Variants in KCNB2 observed in about 807,000 individuals in gnomAD.
The protein encoded by KCNB2 is potassium voltage-gated channel subfamily B member 2, also known as delayed rectifier potassium channel protein.
A neutral mutation model predicts 61.5 loss-of-function variants in KCNB2; 15 were observed. The ratio of observed to expected loss-of-function variants is 0.24; its 90% confidence interval spans 0.16 to 0.38. KCNB2 has a LOEUF of 0.38. Ranked by LOEUF, KCNB2 falls within the 10% of genes least tolerant of loss-of-function variation. The pLI is 1.00. For missense variants in KCNB2, 828 were observed against 1,125.2 expected, an observed-to-expected ratio of 0.74 and a Z score of 3.78; for synonymous variants, 457 against 446.0, an observed-to-expected ratio of 1.02 and a Z score of -0.31.
At chr8:72,712,047 A>G (rs1456064439) in intron 2 of KCNB2, among the ~76,000 whole-genome samples, 4 of 152,218 alleles carry the variant, frequency 2.6e-5, no homozygotes, top group Non-Finnish European at 5.9e-5. Flanking sequence ...TACTTATTTA[A>G]TATGTTACTT....
intron 2 of KCNB2, among the ~76,000 whole-genome samples, chr8:72,640,062 T>C (rs1025615060): frequency 6.6e-6 from 1 of 151,990 alleles, no homozygotes; most frequent in Non-Finnish European, 1.5e-5. Flanking sequence ...TCTAGCATTA[T>C]AGCCCAAGAT....
intron 2 of KCNB2, chr8:72,618,945 G>A: frequency 5.8e-6 from 2 of 343,160 alleles, no homozygotes; most frequent in Non-Finnish European, 5.7e-6. Context: ...CATGCCTCTG[G>A]CTGAAAGTGA....
chr8:72,646,877 C>T (rs1353543038), intron 2 of KCNB2, among the ~76,000 whole-genome samples: 2 of 152,078 alleles, frequency 1.3e-5, no homozygotes, highest in African/African-American at 4.8e-5. Context: ...AATGAGAATA[C>T]GTGTTTATGA....
chr8:72,918,988 A>G (rs184280015), intron 2 of KCNB2, among the ~76,000 whole-genome samples: 248 of 152,358 alleles, frequency 1.6e-3, no homozygotes, highest in Non-Finnish European at 2.8e-3. Context: ...CAAATAAAAT[A>G]CCATCTATCT....
intron 2 of KCNB2, among the ~76,000 whole-genome samples, chr8:72,646,698 C>T (rs953679179): frequency 2.0e-5 from 3 of 152,066 alleles, no homozygotes; most frequent in Non-Finnish European, 4.4e-5. Flanking sequence ...AGAGGCAGAA[C>T]ATAGAATGGC....
At chr8:72,857,662 A>G (rs1373697507) in intron 2 of KCNB2, among the ~76,000 whole-genome samples, 2 of 152,122 alleles carry the variant, frequency 1.3e-5, no homozygotes, top group Non-Finnish European at 1.5e-5. Flanking sequence ...AAGAGTGGAG[A>G]AGAAGAATGA....
intron 2 of KCNB2, among the ~76,000 whole-genome samples, chr8:72,827,693 ATTG>A (rs1465847315): frequency 6.6e-6 from 1 of 152,182 alleles, no homozygotes; most frequent in African/African-American, 2.4e-5. Context: ...TTTAATGAAT[ATTG>A]TTCTTTCTAC....
chr8:72,839,401 T>G (rs1809838374), intron 2 of KCNB2, among the ~76,000 whole-genome samples: 2 of 152,192 alleles, frequency 1.3e-5, no homozygotes, highest in Non-Finnish European at 2.9e-5. Flanking sequence ...TGTAATGTGT[T>G]AGGCATAGCA....
intron 2 of KCNB2, among the ~76,000 whole-genome samples, chr8:72,821,442 G>A (rs916072337): frequency 6.6e-6 from 1 of 152,014 alleles, no homozygotes; most frequent in South Asian, 2.1e-4. Flanking sequence ...TAGCCAGATG[G>A]CCTTGGATGA....
intron 1 of KCNB2, among the ~76,000 whole-genome samples, chr8:72,546,424 A>G (rs962364202): frequency 6.6e-6 from 1 of 151,920 alleles, no homozygotes; most frequent in Non-Finnish European, 1.5e-5. Flanking sequence ...AGGCTGAGGC[A>G]GAGAATTGCT....
chr8:72,764,460 T>C (rs1808431981), intron 2 of KCNB2, among the ~76,000 whole-genome samples: 1 of 152,108 alleles, frequency 6.6e-6, no homozygotes, highest in Non-Finnish European at 1.5e-5. Context: ...CACACAGGGC[T>C]CATGGTTCTA....
intron 2 of KCNB2, among the ~76,000 whole-genome samples, chr8:72,638,476 G>A (rs1806002237): frequency 6.6e-6 from 1 of 152,118 alleles, no homozygotes; most frequent in African/African-American, 2.4e-5. Flanking sequence ...ATGATGATCT[G>A]TTCTTCACAG....
chr8:72,559,454 T>A (rs959652598), intron 1 of KCNB2, among the ~76,000 whole-genome samples: 14 of 152,072 alleles, frequency 9.2e-5, no homozygotes, highest in Admixed American at 1.3e-4. Context: ...CAGTGTTGTG[T>A]CTTAATCCTG....
chr8:72,586,444 C>T (rs766830222), intron 2 of KCNB2, among the ~76,000 whole-genome samples: 2 of 152,102 alleles, frequency 1.3e-5, no homozygotes, highest in Non-Finnish European at 2.9e-5. Flanking sequence ...ATGTGTTCAA[C>T]GTTTTGTAAT....
intron 2 of KCNB2, among the ~76,000 whole-genome samples, chr8:72,796,260 C>G (rs1488275092): frequency 6.6e-6 from 1 of 152,120 alleles, no homozygotes; most frequent in South Asian, 2.1e-4. Flanking sequence ...ATCACAGATT[C>G]AGGTTTGCTC....
At chr8:72,551,969 C>A (rs1203323127) in intron 1 of KCNB2, among the ~76,000 whole-genome samples, 1 of 152,092 alleles carries the variant, frequency 6.6e-6, no homozygotes, top group African/African-American at 2.4e-5. Context: ...GCCCAGTTCC[C>A]AAGAACTGCT....
At position 72,898,666 on chromosome 8, in the gene KCNB2, A is replaced by G. The variant is rs1482101714; in HGVS notation, c.580-37269A>G. 5.3e-5 allele frequency among the ~76,000 whole-genome samples: 8 copies of G among 152,030 alleles called. No homozygotes were observed. The East Asian group carries it at 1.5e-3, about 29-fold the overall frequency. ...TAGAAATGTACTTTTTTATTTTTTA[A>G]TTTCAACTTTTATCTTAGATACTGG... is the stretch of plus-strand genomic sequence containing the variant. On this transcript the variant is annotated intron_variant, in intron 2 of 2. Transcript: ENST00000523207.
At chr8:72,680,597 A>G (rs1468501386) in intron 2 of KCNB2, among the ~76,000 whole-genome samples, 1 of 152,142 alleles carries the variant, frequency 6.6e-6, no homozygotes, top group Admixed American at 6.6e-5. Context: ...GCAGTGAGGT[A>G]TTGAAGGGTA....
intron 2 of KCNB2, among the ~76,000 whole-genome samples, chr8:72,612,210 C>A (rs1805553208): frequency 6.6e-6 from 1 of 152,056 alleles, no homozygotes; most frequent in South Asian, 2.1e-4. Context: ...TGACTATTGC[C>A]CCATTCCAAC....
Sources: allele counts gnomAD v4.1 joint callset (sites outside exome capture counted in the v4.1 genomes callset), GRCh38; gene constraint gnomAD v4.1.1; transcripts MANE v1.5; gene names NCBI Gene and HGNC (gene_info 2026-07-23, HGNC 2026-07-21).